The following PCDH9 variants were observed in gnomAD, a reference collection of about 807,000 sequenced individuals.
The protein encoded by PCDH9 is protocadherin-9.
In PCDH9, 24 loss-of-function variants were observed where a neutral mutation model predicts 70.6. The observed-to-expected ratio is 0.34, with a 90% CI of 0.25 to 0.48. The LOEUF (loss-of-function observed/expected upper bound fraction) is 0.48. PCDH9 is among the 20% of genes least tolerant of loss of function. The pLI is 0.99. For missense variants in PCDH9, 1,281 were observed against 1,503.6 expected, an observed-to-expected ratio of 0.85 and a Z score of 2.45; for synonymous variants, 562 against 558.5, an observed-to-expected ratio of 1.01 and a Z score of -0.09.
intron 2 of PCDH9, among the ~76,000 whole-genome samples, chr13:67,097,072 C>T (rs112669655): frequency 0.023 from 3,364 of 146,732 alleles, 48 homozygotes; most frequent in Non-Finnish European, 0.034. Flanking sequence ...ATGGTGAAAC[C>T]CTATCTCTAC....
Position 66,609,763 on chromosome 13 carries a change from ACAGT to A in PCDH9, c.3340+21443_3340+21446del, listed in dbSNP as rs148119252. Among the ~76,000 whole-genome samples, 714 of 152,188 alleles carry A rather than the reference ACAGT, an allele frequency of 4.7e-3. 21 individuals are homozygous for A. The East Asian group carries it at 0.088, about 19-fold the overall frequency. On this transcript the variant is annotated intron_variant, in intron 4 of 4. Transcript: ENST00000377865. ...ACAAAAAAGTAAATCAAATATCTGA[ACAGT>A]CAAACATTCATATATTCATAAAATA...
chr13:66,947,787 G>A (rs1381340272), intron 2 of PCDH9, among the ~76,000 whole-genome samples: 1 of 152,086 alleles, frequency 6.6e-6, no homozygotes, highest in Non-Finnish European at 1.5e-5. Flanking sequence ...AAGGTAAGTT[G>A]GGGGTGACAT....
chr13:66,776,089 AT>A (rs1287493303), intron 3 of PCDH9, among the ~76,000 whole-genome samples: 1 of 152,140 alleles, frequency 6.6e-6, no homozygotes, highest in Non-Finnish European at 1.5e-5. Context: ...ACCAAATTCC[AT>A]TTCAAAAATA....
chr13:66,881,930 G>A (rs1407160695), intron 3 of PCDH9, among the ~76,000 whole-genome samples: 1 of 152,114 alleles, frequency 6.6e-6, no homozygotes, highest in African/African-American at 2.4e-5. Flanking sequence ...AAAAATACAT[G>A]ACCTGTTCTT....
At chr13:67,018,452 C>T (rs924297690) in intron 2 of PCDH9, among the ~76,000 whole-genome samples, 1 of 151,862 alleles carries the variant, frequency 6.6e-6, no homozygotes, top group African/African-American at 2.4e-5. Context: ...AACCCCGTCT[C>T]TACTAAAAAT....
At position 67,086,088 on chromosome 13, in the gene PCDH9, A is replaced by G. The variant is rs922517790; in HGVS notation, c.3036+139317T>C. Among the ~76,000 whole-genome samples, 4 of 152,340 alleles carry G rather than the reference A, an allele frequency of 2.6e-5. No individual in the cohort carries two copies. In the South Asian group the frequency reaches 8.3e-4, roughly 32 times the overall value. On this transcript the variant is annotated intron_variant, in intron 2 of 4. Coordinates refer to ENST00000377865, the MANE Select transcript of PCDH9 (RefSeq NM_203487.3). ...CAAGCATAACTATGGGTGAAAACAAAGCATGTATCCCCTACAGATCCCCAG... is the reference window on the plus strand; with the variant it reads ...CAAGCATAACTATGGGTGAAAACAAGGCATGTATCCCCTACAGATCCCCAG...
intron 2 of PCDH9, among the ~76,000 whole-genome samples, chr13:66,995,034 C>G (rs968024820): frequency 6.6e-6 from 1 of 152,222 alleles, no homozygotes; most frequent in African/African-American, 2.4e-5. Flanking sequence ...TTGTCACCCA[C>G]GCACTTGATT....
chr13:66,412,886 G>T (rs2138327459), intron 4 of PCDH9, among the ~76,000 whole-genome samples: 1 of 152,194 alleles, frequency 6.6e-6, no homozygotes, highest in Admixed American at 6.5e-5. Flanking sequence ...TGTTTTTCAG[G>T]GAAAGTTAAA....
chr13:66,781,686 G>GA (rs1487760003), intron 3 of PCDH9, among the ~76,000 whole-genome samples: 3 of 151,996 alleles, frequency 2.0e-5, no homozygotes, highest in Non-Finnish European at 4.4e-5. Flanking sequence ...TACTAAACTA[G>GA]AAAAAACATA....
At chr13:67,163,388 C>G (rs976659317) in intron 2 of PCDH9, among the ~76,000 whole-genome samples, 1 of 152,122 alleles carries the variant, frequency 6.6e-6, no homozygotes, top group Non-Finnish European at 1.5e-5. Flanking sequence ...GTATTTTAAC[C>G]TCATTTGTCA....
rs1370265467 is a variant in PCDH9, at chr13:66,847,019, G to T, written c.3138+56485C>A. ...ATGATTTCCCCCATTTTTCTGATCAGGTAAATAAATAAATATTAGAAACTA... is the reference window on the plus strand; with the variant it reads ...ATGATTTCCCCCATTTTTCTGATCATGTAAATAAATAAATATTAGAAACTA... On this transcript the variant is annotated intron_variant, in intron 3 of 4. Coordinates refer to ENST00000377865, the MANE Select transcript of PCDH9 (RefSeq NM_203487.3). Among the ~76,000 whole-genome samples, 3 of 151,670 alleles carry T rather than the reference G, an allele frequency of 2.0e-5. No individual in the cohort carries two copies. The East Asian group carries it at 5.8e-4, about 29-fold the overall frequency.
intron 2 of PCDH9, among the ~76,000 whole-genome samples, chr13:67,192,202 G>A (rs1455396313): frequency 2.0e-5 from 3 of 151,970 alleles, no homozygotes; most frequent in Non-Finnish European, 2.9e-5. Flanking sequence ...CTTCCACTAT[G>A]CAATTCTTTG....
At chr13:67,155,533 T>C (rs986034873) in intron 2 of PCDH9, among the ~76,000 whole-genome samples, 1 of 152,174 alleles carries the variant, frequency 6.6e-6, no homozygotes, top group African/African-American at 2.4e-5. Context: ...ATTTTTAAAA[T>C]AACAAGGGAG....
rs1197923666 is a variant in PCDH9, at chr13:66,966,205, G to T, written c.3037-62600C>A. 2.6e-5 allele frequency among the ~76,000 whole-genome samples: 4 copies of T among 152,230 alleles called. No homozygotes were observed. The East Asian group carries it at 7.7e-4, about 29-fold the overall frequency. ...ACAAAATCTTGGGCAAGCCCCTTGG[G>T]TTTCTGAGCTTCTGTTTCCTCGTTT... On this transcript the variant is annotated intron_variant, in intron 2 of 4. Coordinates refer to ENST00000377865, the MANE Select transcript of PCDH9 (RefSeq NM_203487.3).
chr13:66,466,868 A>G (rs1182247041), intron 4 of PCDH9, among the ~76,000 whole-genome samples: 1 of 152,100 alleles, frequency 6.6e-6, no homozygotes, highest in Admixed American at 6.6e-5. Context: ...TTATGAACTA[A>G]GAAGTACACC....
intron 2 of PCDH9, among the ~76,000 whole-genome samples, chr13:67,013,860 G>A (rs951654722): frequency 6.6e-6 from 1 of 151,982 alleles, no homozygotes; most frequent in Non-Finnish European, 1.5e-5. Flanking sequence ...AAGACCATGA[G>A]AGCAGATGAC....
chr13:66,445,313 A>G (rs1037988005), intron 4 of PCDH9, among the ~76,000 whole-genome samples: 11 of 147,384 alleles, frequency 7.5e-5, no homozygotes, highest in South Asian at 4.2e-4. Context: ...TCTGATTCCT[A>G]TTTTTTCAAG....
intron 4 of PCDH9, among the ~76,000 whole-genome samples, chr13:66,509,495 C>G (rs1348064678): frequency 6.6e-6 from 1 of 152,204 alleles, no homozygotes; most frequent in Non-Finnish European, 1.5e-5. Context: ...ATCAACTTCC[C>G]TTTTGCAACA....
At chr13:67,214,951 T>TATATATATATATATATA (rs2089561853) in intron 2 of PCDH9, 1 of 70,140 alleles carries the variant, frequency 1.4e-5, no homozygotes, top group African/African-American at 4.3e-5. Flanking sequence ...TATATATATA[T>TATATATATATATATATA]ATATATATAT....
Sources: allele counts gnomAD v4.1 joint callset (sites outside exome capture counted in the v4.1 genomes callset), GRCh38; gene constraint gnomAD v4.1.1; transcripts MANE v1.5; gene names NCBI Gene and HGNC (gene_info 2026-07-23, HGNC 2026-07-21).